Variants in CTNNA1 observed in about 807,000 individuals in gnomAD.
CTNNA1 encodes the protein catenin alpha 1, also known as catenin alpha-1.
In CTNNA1, 37 loss-of-function variants were observed where a neutral mutation model predicts 98.4. That is an observed-to-expected ratio of 0.38 (90% CI 0.29 to 0.49). CTNNA1 has a LOEUF of 0.49. Ranked by LOEUF, CTNNA1 falls within the 20% of genes least tolerant of loss-of-function variation. The pLI is 0.95. For synonymous variants in CTNNA1, 404 were observed against 413.2 expected (o/e 0.98, Z 0.27); for missense variants, 761 against 1,147.2 (o/e 0.66, Z 4.86).
intron 16 of CTNNA1, chr5:138,931,915 T>C (rs1765439566): frequency 1.0e-6 from 1 of 985,506 alleles, no homozygotes; most frequent in Non-Finnish European, 1.2e-6. Flanking sequence ...TCTGTGTTTC[T>C]CCCTTTGGGT....
intron 1 of CTNNA1, among the ~76,000 whole-genome samples, chr5:138,776,805 C>T (rs1265485043): frequency 2.2e-5 from 3 of 135,126 alleles, no homozygotes; most frequent in Non-Finnish European, 3.1e-5. Context: ...GGGGGGCTGA[C>T]CCCCCCACCT....
intron 1 of CTNNA1, among the ~76,000 whole-genome samples, chr5:138,778,582 C>T (rs757119529): frequency 2.6e-5 from 4 of 152,168 alleles, no homozygotes; most frequent in Non-Finnish European, 5.9e-5. Flanking sequence ...TTGGGAGTTA[C>T]TATGACACTA....
chr5:138,809,001 A>C (rs888158233), intron 3 of CTNNA1, among the ~76,000 whole-genome samples: 8 of 152,136 alleles, frequency 5.3e-5, no homozygotes, highest in African/African-American at 9.7e-5. Flanking sequence ...AATTTTTTTA[A>C]AGAGACAGGG....
intron 7 of CTNNA1, among the ~76,000 whole-genome samples, chr5:138,883,118 C>T (rs772357508): frequency 2.6e-5 from 4 of 152,196 alleles, no homozygotes; most frequent in Non-Finnish European, 5.9e-5. Flanking sequence ...CCACCCGCCT[C>T]AGCCTCCCAA....
chr5:138,842,720 C>T (rs752527915), intron 7 of CTNNA1, among the ~76,000 whole-genome samples: 3 of 152,072 alleles, frequency 2.0e-5, no homozygotes, highest in Non-Finnish European at 4.4e-5. Context: ...GAACACCAGG[C>T]CTAAATGGGT....
At chr5:138,881,462 G>A (rs981350673) in intron 7 of CTNNA1, among the ~76,000 whole-genome samples, 5 of 152,330 alleles carry the variant, frequency 3.3e-5, no homozygotes, top group African/African-American at 1.2e-4. Context: ...CCAGCCCACA[G>A]CAAGCTTTTT....
In CTNNA1 at chr5:138,813,486, G is replaced by GA. The variant is rs547371066; in HGVS notation, c.588+1187dup. Among the ~76,000 whole-genome samples the GA allele has an allele frequency of 1.1e-3, 165 of 152,328 alleles. 1 individual carries two copies. The highest frequency in any genetic ancestry group is 3.8e-3 in the African/African-American group (156 of 41,572). ...TTAAGGGGTAGCTTTCCTGAGGACA[G>GA]AAACACCCGACAAAAGGTCTGACAG... On this transcript the variant is annotated intron_variant, in intron 5 of 17. Transcript: ENST00000302763.
chr5:138,924,737 T>C (rs1580856504), intron 12 of CTNNA1, 27 bp downstream of exon 12: 1 of 1,542,722 alleles, frequency 6.5e-7, no homozygotes, highest in Admixed American at 2.0e-5. Flanking sequence ...TTTCCAGTGC[T>C]CGCACACACC....
chr5:138,838,378 T>A (rs1761985579), intron 7 of CTNNA1, among the ~76,000 whole-genome samples: 1 of 152,254 alleles, frequency 6.6e-6, no homozygotes, highest in African/African-American at 2.4e-5. Flanking sequence ...TGTAATCTCT[T>A]ACTATCCTTC....
chr5:138,806,051 T>C (rs1474212240), intron 3 of CTNNA1, among the ~76,000 whole-genome samples: 1 of 152,166 alleles, frequency 6.6e-6, no homozygotes, highest in Non-Finnish European at 1.5e-5. Flanking sequence ...TTTTGATAAA[T>C]TTTGTAAGTA....
intron 6 of CTNNA1, among the ~76,000 whole-genome samples, chr5:138,825,498 T>TTTTTTTTTTTTTTTA (rs1760610249): frequency 9.6e-6 from 1 of 103,972 alleles, no homozygotes; most frequent in East Asian, 3.4e-4. Context: ...TTTTTTTTTT[T>TTTTTTTTTTTTTTTA]AGGGCTTTAA....
intron 7 of CTNNA1, among the ~76,000 whole-genome samples, chr5:138,836,893 A>G (rs1003887901): frequency 6.6e-6 from 1 of 152,038 alleles, no homozygotes; most frequent in African/African-American, 2.4e-5. Flanking sequence ...TTTCTTTGAT[A>G]TTTTTTCCCA....
chr5:138,854,399 T>G (rs1297713772), intron 7 of CTNNA1, among the ~76,000 whole-genome samples: 1 of 152,216 alleles, frequency 6.6e-6, no homozygotes, highest in Non-Finnish European at 1.5e-5. Context: ...CTATTTTGTC[T>G]TGATCTGGGG....
intron 7 of CTNNA1, among the ~76,000 whole-genome samples, chr5:138,864,893 C>T (rs1011427005): frequency 1.3e-5 from 2 of 152,136 alleles, no homozygotes; most frequent in East Asian, 1.9e-4. Context: ...CGGCTCACTA[C>T]AACCTCCGCC....
chr5:138,861,050 C>A (rs1356399218), intron 7 of CTNNA1, among the ~76,000 whole-genome samples: 1 of 152,016 alleles, frequency 6.6e-6, no homozygotes, highest in Non-Finnish European at 1.5e-5. Context: ...GACGGAGTCT[C>A]ACTGTGTCGC....
intron 3 of CTNNA1, among the ~76,000 whole-genome samples, chr5:138,793,144 T>G (rs575907742): frequency 3.3e-5 from 5 of 152,352 alleles, no homozygotes; most frequent in African/African-American, 1.2e-4. Flanking sequence ...CACCATTTAA[T>G]CCATTTTTTC....
chr5:138,823,052 AG>A (rs767637676), intron 5 of CTNNA1, among the ~76,000 whole-genome samples: 1 of 152,250 alleles, frequency 6.6e-6, no homozygotes, highest in Non-Finnish European at 1.5e-5. Context: ...TCTAGGATTT[AG>A]TTAATGACAT....
At chr5:138,929,079 C>A (rs1024814068) in intron 13 of CTNNA1, among the ~76,000 whole-genome samples, 167 bp from the exon 14 acceptor site, 2 of 152,186 alleles carry the variant, frequency 1.3e-5, no homozygotes, top group African/African-American at 4.8e-5. Context: ...AGCAGAGGCT[C>A]GAGACAAATG....
At chr5:138,894,401 C>T (rs1187760552) in intron 9 of CTNNA1, among the ~76,000 whole-genome samples, 3 of 150,834 alleles carry the variant, frequency 2.0e-5, no homozygotes, top group Admixed American at 1.3e-4. Context: ...CCCATCTCAG[C>T]CTCCTGAGTA....
Sources: allele counts gnomAD v4.1 joint callset (sites outside exome capture counted in the v4.1 genomes callset), GRCh38; gene constraint gnomAD v4.1.1; transcripts MANE v1.5; gene names NCBI Gene and HGNC (gene_info 2026-07-23, HGNC 2026-07-21).